Variants in RGS20 observed in about 807,000 individuals in gnomAD.
RGS20 encodes the protein regulator of G protein signaling 20.
In RGS20, 30 loss-of-function variants were observed where a neutral mutation model predicts 33.6. The ratio of observed to expected loss-of-function variants is 0.89; its 90% CI spans 0.67 to 1.21. The LOEUF (loss-of-function observed/expected upper bound fraction) is 1.21, where lower values mean the gene tolerates loss of function less well. RGS20 is among the 50% of genes most tolerant of loss of function. The pLI is 0.00. For missense variants in RGS20, 472 were observed against 502.4 expected (o/e 0.94, Z 0.58); for synonymous variants, 208 against 197.9 (o/e 1.05, Z -0.43).
chr8:53,946,172 G>A (rs777296435), intron 3 of RGS20, among the ~76,000 whole-genome samples: 1 of 152,096 alleles, frequency 6.6e-6, no homozygotes, highest in Non-Finnish European at 1.5e-5. Flanking sequence ...TGCAGAAAAT[G>A]AAATGAAACC....
chr8:53,951,201 T>C (rs1814699964), intron 4 of RGS20, among the ~76,000 whole-genome samples: 1 of 152,184 alleles, frequency 6.6e-6, no homozygotes, highest in African/African-American at 2.4e-5. Context: ...TATAGAAATT[T>C]GGGCCAGGCA....
intron 2 of RGS20, among the ~76,000 whole-genome samples, chr8:53,920,310 C>G (rs1455907934): frequency 1.3e-5 from 2 of 152,044 alleles, no homozygotes; most frequent in East Asian, 3.8e-4. Context: ...TATATCACTT[C>G]CAGAATGTTC....
At chr8:53,942,137 G>C (rs942576809) in intron 3 of RGS20, among the ~76,000 whole-genome samples, 1 of 152,078 alleles carries the variant, frequency 6.6e-6, no homozygotes. Flanking sequence ...GTCAGGCATG[G>C]GGGCACATGC....
intron 3 of RGS20, among the ~76,000 whole-genome samples, chr8:53,944,743 A>G (rs565097490): frequency 2.0e-5 from 3 of 152,334 alleles, no homozygotes; most frequent in African/African-American, 7.2e-5. Context: ...TTCAGGTCTT[A>G]AAATGAAGAA....
chr8:53,945,161 T>C (rs767558022), intron 3 of RGS20, among the ~76,000 whole-genome samples: 1 of 152,234 alleles, frequency 6.6e-6, no homozygotes, highest in East Asian at 1.9e-4. Flanking sequence ...GGAATGTGCA[T>C]AGCAGCATGA....
intron 2 of RGS20, among the ~76,000 whole-genome samples, chr8:53,933,299 A>T (rs1055104333): frequency 6.6e-6 from 1 of 152,176 alleles, no homozygotes; most frequent in Non-Finnish European, 1.5e-5. Context: ...GAAGGTAGGT[A>T]ATAAACTCCT....
rs923365197 is a variant in RGS20, at chr8:53,879,496, T to C, written c.404T>C (p.Leu135Pro). 9 of 1,558,058 alleles carry C rather than the reference T, an allele frequency of 5.8e-6. No homozygotes were observed. Among genetic ancestry groups the C allele is most frequent in the Non-Finnish European group, 7.8e-6 (9 of 1,154,722 alleles). ...CTCTCGCTCCTGCTCGGGGCGGCGC[T>C]GGCACTGCCCGGCCGACCCTCGGGG... is the stretch of plus-strand genomic sequence containing the variant. Residue 135 changes from leucine to proline, a missense_variant, in exon 2 of 6, where the codon CTG (leucine) becomes CCG (proline). Around this residue, in one of 3 missense-constraint regions of RGS20, gnomAD observed 319 missense variants for 283.4 expected, o/e 1.13. Transcript: ENST00000297313.
At chr8:53,875,014 A>G (rs80214647) in intron 1 of RGS20, among the ~76,000 whole-genome samples, 3,798 of 152,342 alleles carry the variant, frequency 0.025, 160 homozygotes, top group African/African-American at 0.086. Context: ...GGATACTCCA[A>G]TGATGTTTTT....
intron 2 of RGS20, among the ~76,000 whole-genome samples, chr8:53,935,499 A>G (rs1194099397): frequency 2.0e-5 from 3 of 152,312 alleles, no homozygotes; most frequent in Admixed American, 6.5e-5. Context: ...AAACTAGAAA[A>G]TCTAGAAGAA....
At chr8:53,949,818 A>C (rs188054762) in intron 4 of RGS20, among the ~76,000 whole-genome samples, 1 of 151,412 alleles carries the variant, frequency 6.6e-6, no homozygotes, top group Non-Finnish European at 1.5e-5. Flanking sequence ...TCTAACCTCT[A>C]AGAGAGTAAA....
intron 5 of RGS20, among the ~76,000 whole-genome samples, chr8:53,955,900 C>T (rs577028620): frequency 7.2e-5 from 11 of 152,208 alleles, no homozygotes; most frequent in African/African-American, 2.6e-4. Context: ...CCTTGTAGCT[C>T]TAATTATAAA....
chr8:53,931,816 C>G (rs1813973974), intron 2 of RGS20, among the ~76,000 whole-genome samples: 1 of 152,100 alleles, frequency 6.6e-6, no homozygotes, highest in African/African-American at 2.4e-5. Flanking sequence ...AACTCCCTCC[C>G]CTAGCCAAGG....
At chr8:53,940,991 T>C (rs1373900302) in intron 3 of RGS20, among the ~76,000 whole-genome samples, 2 of 152,152 alleles carry the variant, frequency 1.3e-5, no homozygotes, top group Admixed American at 6.6e-5. Context: ...CTCCTAGAGA[T>C]GTGCAGGATG....
rs1563357401 is a variant in RGS20 at position 53,881,043 on chromosome 8, GCCGGGGCTTCCT to G, written c.510+1444_510+1455del. On this transcript the variant is annotated intron_variant, in intron 2 of 5. Coordinates refer to ENST00000297313, the MANE Select transcript of RGS20 (RefSeq NM_170587.4). ...GCGCACGGCGGACGGAGGCGAGCCG[GCCGGGGCTTCCT>G]CCCCGGCCGGCAGGGTGGACGGTGG... is the stretch of plus-strand genomic sequence containing the variant. The G allele has an allele frequency of 4.5e-6, 7 of 1,566,046 alleles. No individual in the cohort carries two copies. In the South Asian group the frequency reaches 8.1e-5, roughly 18 times the overall value.
At position 53,946,662 on chromosome 8, in the gene RGS20, C is replaced by G. The variant is rs1191512059; in HGVS notation, c.660-3C>G. The G allele has an allele frequency of 6.2e-7, 1 of 1,607,088 alleles. No homozygotes were observed. The highest frequency in any genetic ancestry group is 8.5e-7 in the Non-Finnish European group (1 of 1,176,526). On this transcript the variant is annotated splice_polypyrimidine_tract_variant and splice_region_variant and intron_variant, in intron 3 of 5. Transcript: ENST00000297313. ...TCAACATGTGAATGTCTTTTTTTTG[C>G]AGTCTCACTGTTAGAAACCAGGAAG...
At chr8:53,933,212 G>A (rs932959905) in intron 2 of RGS20, among the ~76,000 whole-genome samples, 1 of 152,156 alleles carries the variant, frequency 6.6e-6, no homozygotes, top group Non-Finnish European at 1.5e-5. Context: ...CTACTCCAAA[G>A]GATCACAACT....
intron 2 of RGS20, among the ~76,000 whole-genome samples, chr8:53,886,464 C>T (rs988146132): frequency 6.6e-6 from 1 of 152,222 alleles, no homozygotes; most frequent in African/African-American, 2.4e-5. Flanking sequence ...TGATATTTTA[C>T]ATGAGTTATT....
At position 53,879,544 on chromosome 8, in the gene RGS20, A is replaced by T; in HGVS notation, c.452A>T (p.His151Leu). ...GGGGGTCGTCCGCTGAGGCCCCCCC[A>T]TCCGGTAGCCAAGCCCAGGGAAGAA... is the stretch of plus-strand genomic sequence containing the variant. The change falls in exon 2 of 6, where the codon CAT (histidine) becomes CTT (leucine). Residue 151 changes from histidine to leucine, a missense_variant. This residue lies in a region of RGS20 where 319 missense variants were observed against 283.4 expected (regional missense o/e 1.13). Coordinates refer to ENST00000297313, the MANE Select transcript of RGS20 (RefSeq NM_170587.4). The T allele has an allele frequency of 1.3e-6, 2 of 1,519,522 alleles. No individual in the cohort carries two copies. The highest frequency in any genetic ancestry group is 1.8e-6 in the Non-Finnish European group (2 of 1,131,996). The allele number at this position is 1,519,522 out of a possible 1,614,324, so 94.1% of individuals were successfully genotyped here. A position where few individuals can be genotyped will look rare whatever the true frequency, so the allele number is the denominator to read the frequency against.
chr8:53,862,597 G>A (rs1164509447), intron 1 of RGS20, among the ~76,000 whole-genome samples: 1 of 152,104 alleles, frequency 6.6e-6, no homozygotes, highest in African/African-American at 2.4e-5. Context: ...CAGTAGTTTG[G>A]GGCCAGCCTG....
Sources: gnomAD v4.1 joint callset for allele counts (sites outside exome capture counted in the v4.1 genomes callset) on GRCh38, gnomAD v4.1.1 for gene constraint, gnomAD v4.1.1 regional missense constraint, MANE v1.5 for transcripts, NCBI Gene and HGNC (gene_info 2026-07-23, HGNC 2026-07-21) for gene names.